The following GRAMD1B variants were observed in gnomAD, a reference collection of about 807,000 sequenced individuals.
GRAMD1B encodes the protein protein Aster-B.
Under a neutral mutation model 99.7 loss-of-function variants are expected in GRAMD1B, and 37 were observed. The ratio of observed to expected loss-of-function variants is 0.37; its 90% CI spans 0.29 to 0.49. The LOEUF is 0.49. Ranked by LOEUF, GRAMD1B falls within the 20% of genes least tolerant of loss-of-function variation. The pLI is 0.98. For synonymous variants in GRAMD1B, 427 were observed against 387.6 expected, an observed-to-expected ratio of 1.10 and a Z score of -1.19; for missense variants, 888 against 1,009.2, an observed-to-expected ratio of 0.88 and a Z score of 1.63.
At chr11:123,364,103 T>C (rs1946238436) in intron 1 of GRAMD1B, among the ~76,000 whole-genome samples, 1 of 152,200 alleles carries the variant, frequency 6.6e-6, no homozygotes, top group Non-Finnish European at 1.5e-5. Context: ...TCCTTATATA[T>C]TGAAGGGTTA....
chr11:123,577,102 T>C (rs1948786515), intron 2 of GRAMD1B, among the ~76,000 whole-genome samples: 1 of 152,272 alleles, frequency 6.6e-6, no homozygotes, highest in African/African-American at 2.4e-5. Flanking sequence ...GACGGACGGA[T>C]GGACGGATGC....
At chr11:123,469,717 T>G (rs1950892581) in intron 1 of GRAMD1B, among the ~76,000 whole-genome samples, 1 of 151,060 alleles carries the variant, frequency 6.6e-6, no homozygotes, top group Non-Finnish European at 1.5e-5. Flanking sequence ...TTTTCTTTCT[T>G]TCTTTCTTTT....
intron 2 of GRAMD1B, among the ~76,000 whole-genome samples, chr11:123,570,182 C>T (rs1947903350): frequency 1.3e-5 from 2 of 152,078 alleles, no homozygotes; most frequent in South Asian, 2.1e-4. Context: ...CAGAATCAGC[C>T]GTGATACTTA....
chr11:123,533,396 C>G (rs1943620362), intron 2 of GRAMD1B, among the ~76,000 whole-genome samples: 2 of 151,920 alleles, frequency 1.3e-5, no homozygotes, highest in African/African-American at 2.4e-5. Flanking sequence ...ACATTTAATT[C>G]ACTCTATATT....
intron 1 of GRAMD1B, 182 bp from the exon 2 acceptor site, chr11:123,480,634 C>G (rs1173938392): frequency 2.6e-6 from 1 of 381,446 alleles, no homozygotes; most frequent in Admixed American, 4.5e-5. Context: ...GGGATTTTAT[C>G]AGCCTTGTGT....
At chr11:123,401,881 C>T (rs562781911) in intron 1 of GRAMD1B, among the ~76,000 whole-genome samples, 59 of 152,096 alleles carry the variant, frequency 3.9e-4, no homozygotes, top group Non-Finnish European at 7.5e-4. Flanking sequence ...TCACTCCAGC[C>T]TGGGTGACAG....
rs561735635 is a variant in GRAMD1B at position 123,402,479 on chromosome 11, C to T, written c.-176+43680C>T. ...GTGTCAGAGTCTATGCTAAAAACTC[C>T]GAGGGGCTGTTTCATTTAATTGTTA... On this transcript the variant is annotated intron_variant, in intron 1 of 20. Transcript: ENST00000638157. 7.9e-4 allele frequency among the ~76,000 whole-genome samples: 120 copies of T among 152,244 alleles called. 1 individual carries two copies. In the South Asian group the frequency reaches 8.9e-3, roughly 11 times the overall value.
chr11:123,470,431 C>T (rs1055485322), intron 1 of GRAMD1B, among the ~76,000 whole-genome samples: 6 of 152,080 alleles, frequency 3.9e-5, no homozygotes, highest in Admixed American at 2.6e-4. Context: ...GTGATAACCC[C>T]ACCTTGGCCT....
At chr11:123,498,293 T>G (rs1939522370) in intron 2 of GRAMD1B, among the ~76,000 whole-genome samples, 1 of 152,190 alleles carries the variant, frequency 6.6e-6, no homozygotes, top group African/African-American at 2.4e-5. Context: ...CCTGCTTTTC[T>G]CAAACTGAAG....
chr11:123,532,182 A>C (rs1292926001), intron 2 of GRAMD1B, among the ~76,000 whole-genome samples: 1 of 152,200 alleles, frequency 6.6e-6, no homozygotes, highest in Non-Finnish European at 1.5e-5. Flanking sequence ...TGATCACTCC[A>C]AGTCCCCTCA....
At chr11:123,558,241 C>T (rs1441687501) in intron 2 of GRAMD1B, among the ~76,000 whole-genome samples, 1 of 152,104 alleles carries the variant, frequency 6.6e-6, no homozygotes, top group Non-Finnish European at 1.5e-5. Context: ...GCCTCTCCCT[C>T]CCAAACTGCT....
chr11:123,418,402 T>G (rs983485485), intron 1 of GRAMD1B, among the ~76,000 whole-genome samples: 2 of 152,188 alleles, frequency 1.3e-5, no homozygotes, highest in African/African-American at 4.8e-5. Flanking sequence ...GAAAGAGGAT[T>G]GACTGAACTC....
chr11:123,613,169 T>A (rs960465425), intron 15 of GRAMD1B: 3 of 555,002 alleles, frequency 5.4e-6, no homozygotes, highest in Non-Finnish European at 9.6e-6. Flanking sequence ...GAAGTATTTG[T>A]AAAATGCCTG....
At chr11:123,429,716 C>A (rs1264230664), upstream of GRAMD1B, among the ~76,000 whole-genome samples, 1 of 152,134 alleles carries the variant, frequency 6.6e-6, no homozygotes. This position sits in a 1 kb window ranked among gnomAD's most constrained non-coding sequence, Gnocchi z 4.0. Context: ...GTCTGTCTTT[C>A]CTTGGTATGT....
intron 7 of GRAMD1B, chr11:123,598,959 G>T: frequency 9.5e-7 from 1 of 1,047,696 alleles, no homozygotes; most frequent in Non-Finnish European, 1.5e-6. Flanking sequence ...GTCTAAGATG[G>T]ACAGGTATGT....
chr11:123,570,872 T>C (rs1487890563), intron 2 of GRAMD1B, among the ~76,000 whole-genome samples: 1 of 152,230 alleles, frequency 6.6e-6, no homozygotes, highest in Admixed American at 6.5e-5. Flanking sequence ...CTCCTGGCAC[T>C]GAGATGATTA....
chr11:123,375,868 C>T (rs1039266688), intron 1 of GRAMD1B, among the ~76,000 whole-genome samples: 1 of 152,128 alleles, frequency 6.6e-6, no homozygotes, highest in South Asian at 2.1e-4. Context: ...CTATTTGGCC[C>T]TCAGATATTT....
At chr11:123,381,637 C>G (rs1197389129) in intron 1 of GRAMD1B, 2 of 152,508 alleles carry the variant, frequency 1.3e-5, no homozygotes, top group East Asian at 3.9e-4. Context: ...TTGAAGGTTC[C>G]TGGAGGACTG....
chr11:123,436,791 T>C (rs1949179986), intron 1 of GRAMD1B, among the ~76,000 whole-genome samples: 1 of 152,132 alleles, frequency 6.6e-6, no homozygotes, highest in South Asian at 2.1e-4. Context: ...TTAGGGTACA[T>C]GTGCACAATG....
Sources: gnomAD v4.1 joint callset for allele counts (sites outside exome capture counted in the v4.1 genomes callset) on GRCh38, gnomAD v4.1.1 for gene constraint, Gnocchi (gnomAD v3.1) non-coding constraint, MANE v1.5 for transcripts, NCBI Gene and HGNC (gene_info 2026-07-23, HGNC 2026-07-21) for gene names.